GALNT13: variants seen among roughly 807,000 people sequenced by gnomAD.
The protein encoded by GALNT13 is polypeptide N-acetylgalactosaminyltransferase 13, also known as UDP-GalNAc:polypeptide N-acetylgalactosaminyltransferase 13.
A neutral mutation model predicts 64.2 loss-of-function variants in GALNT13; 28 were observed. The observed-to-expected ratio is 0.44, with a 90% confidence interval of 0.32 to 0.60. GALNT13 has a LOEUF of 0.60. GALNT13 is among the 20% of genes least tolerant of loss of function. GALNT13 has a pLI of 0.05. For synonymous variants in GALNT13, 214 were observed against 224.6 expected (o/e 0.95, Z 0.42); for missense variants, 577 against 669.8 (o/e 0.86, Z 1.53).
intron 11 of GALNT13, among the ~76,000 whole-genome samples, chr2:154,438,045 T>C (rs1026507217): frequency 1.3e-5 from 2 of 152,088 alleles, no homozygotes; most frequent in Admixed American, 1.3e-4. Context: ...CAAACCATAT[T>C]AGAGAGATAA....
chr2:153,355,567 A>G, the GALNT13 span, among the ~76,000 whole-genome samples: 1 of 152,226 alleles, frequency 6.6e-6, no homozygotes, highest in Admixed American at 6.5e-5. Context: ...ATGAATATGA[A>G]AACAATGGAT....
At chr2:153,929,119 A>C (rs1187982550) in intron 2 of GALNT13, among the ~76,000 whole-genome samples, 1 of 152,092 alleles carries the variant, frequency 6.6e-6, no homozygotes, top group East Asian at 1.9e-4. Context: ...CCTGGATCCT[A>C]AGACAAAAGG....
At chr2:153,331,593 T>C in the GALNT13 span, among the ~76,000 whole-genome samples, 2 of 152,066 alleles carry the variant, frequency 1.3e-5, no homozygotes, top group Non-Finnish European at 2.9e-5. Flanking sequence ...GAGAAAGATG[T>C]AGTCCGGGAT....
At chr2:153,090,454 A>G in the GALNT13 span, among the ~76,000 whole-genome samples, 2 of 152,178 alleles carry the variant, frequency 1.3e-5, no homozygotes, top group East Asian at 3.9e-4. Context: ...TGTCATGTGT[A>G]CACACTCGGG....
chr2:154,011,767 T>A (rs1247550439), intron 3 of GALNT13, among the ~76,000 whole-genome samples: 1 of 152,208 alleles, frequency 6.6e-6, no homozygotes, highest in Non-Finnish European at 1.5e-5. Context: ...GGTGCATATA[T>A]ATTTAGGATA....
the GALNT13 span, among the ~76,000 whole-genome samples, chr2:153,698,662 T>C: frequency 1.3e-5 from 2 of 152,122 alleles, no homozygotes; most frequent in Non-Finnish European, 2.9e-5. Flanking sequence ...AACATCCCAC[T>C]GTCAATGTTA....
At chr2:153,448,246 A>G in the GALNT13 span, among the ~76,000 whole-genome samples, 1 of 152,190 alleles carries the variant, frequency 6.6e-6, no homozygotes, top group Non-Finnish European at 1.5e-5. Flanking sequence ...TTGCTTTTCT[A>G]TATTTATCAA....
chr2:153,110,984 C>T, the GALNT13 span, among the ~76,000 whole-genome samples: 1,861 of 152,084 alleles, frequency 0.012, 43 homozygotes, highest in African/African-American at 0.043. Flanking sequence ...TGAAATGCCC[C>T]CCATAGAAGC....
chr2:154,112,992 G>A (rs558423636), intron 3 of GALNT13, among the ~76,000 whole-genome samples: 3 of 152,240 alleles, frequency 2.0e-5, no homozygotes, highest in African/African-American at 4.8e-5. Flanking sequence ...ATTTAATGAT[G>A]GAATGCTGCT....
the GALNT13 span, among the ~76,000 whole-genome samples, chr2:153,469,872 A>G: frequency 6.6e-6 from 1 of 152,018 alleles, no homozygotes; most frequent in Non-Finnish European, 1.5e-5. Flanking sequence ...TTTTATTCTC[A>G]TGAGCAAAGA....
chr2:153,104,546 G>A, the GALNT13 span, among the ~76,000 whole-genome samples: 2 of 152,120 alleles, frequency 1.3e-5, no homozygotes, highest in South Asian at 2.1e-4. Context: ...TGTTGTACAT[G>A]TTTGGACTCT....
chr2:154,288,792 A>G (rs1692428846), intron 8 of GALNT13, among the ~76,000 whole-genome samples: 1 of 152,212 alleles, frequency 6.6e-6, no homozygotes, highest in African/African-American at 2.4e-5. Context: ...TGCAAGGTAC[A>G]GGGTACAGCT....
At chr2:153,213,397 T>C in the GALNT13 span, among the ~76,000 whole-genome samples, 1 of 152,244 alleles carries the variant, frequency 6.6e-6, no homozygotes, top group African/African-American at 2.4e-5. Context: ...ATCTTTATTC[T>C]GATCAGAAAA....
chr2:153,837,112 C>A, the GALNT13 span, among the ~76,000 whole-genome samples: 116,888 of 145,510 alleles, frequency 0.8, 47,951 homozygotes, highest in Admixed American at 0.86. Flanking sequence ...GAACTAGTTT[C>A]CAGTCCCACC....
chr2:154,022,316 G>C (rs1697570362), intron 3 of GALNT13, among the ~76,000 whole-genome samples: 1 of 152,182 alleles, frequency 6.6e-6, no homozygotes, highest in Non-Finnish European at 1.5e-5. Flanking sequence ...GAATTCGGCT[G>C]TGAATCCATC....
the GALNT13 span, among the ~76,000 whole-genome samples, chr2:153,520,397 G>C: frequency 6.6e-6 from 1 of 152,066 alleles, no homozygotes; most frequent in Non-Finnish European, 1.5e-5. Flanking sequence ...GGTGACCAAA[G>C]AACACAGATA....
intron 4 of GALNT13, among the ~76,000 whole-genome samples, chr2:154,228,673 A>C (rs1688756451): frequency 6.6e-6 from 1 of 152,148 alleles, no homozygotes; most frequent in African/African-American, 2.4e-5. Context: ...ACTGACTAAA[A>C]CTAGGGGTTT....
the GALNT13 span, among the ~76,000 whole-genome samples, chr2:153,651,772 A>G: frequency 6.6e-6 from 1 of 152,198 alleles, no homozygotes; most frequent in Non-Finnish European, 1.5e-5. Context: ...CAAGATAAGC[A>G]GAAAAGCAAA....
chr2:153,600,518 G>GATCTA, the GALNT13 span, among the ~76,000 whole-genome samples: 1 of 151,866 alleles, frequency 6.6e-6, no homozygotes, highest in African/African-American at 2.4e-5. Context: ...GAGAGGGCAT[G>GATCTA]ATCTACATAC....
Sources: allele counts gnomAD v4.1 joint callset (sites outside exome capture counted in the v4.1 genomes callset), GRCh38; gene constraint gnomAD v4.1.1; transcripts MANE v1.5; gene names NCBI Gene and HGNC (gene_info 2026-07-23, HGNC 2026-07-21).